Variants in SLC16A12 observed in about 807,000 individuals in gnomAD.
SLC16A12 encodes the protein monocarboxylate transporter 12.
A neutral mutation model predicts 42.4 loss-of-function variants in SLC16A12; 17 were observed. That is an observed-to-expected ratio of 0.40 (90% CI 0.27 to 0.60). The LOEUF is 0.60. Among genes scored for constraint, SLC16A12 ranks in the 20% least tolerant of loss-of-function variants. The probability of loss-of-function intolerance (pLI) is 0.42; values close to 1 mark genes in which losing one functional copy is unlikely to be tolerated. For synonymous variants in SLC16A12, 224 were observed against 229.4 expected, an observed-to-expected ratio of 0.98 and a Z score of 0.21; for missense variants, 544 against 623.0, an observed-to-expected ratio of 0.87 and a Z score of 1.35.
intron 2 of SLC16A12, among the ~76,000 whole-genome samples, chr10:89,482,569 C>T (rs920525809): frequency 6.6e-6 from 1 of 151,896 alleles, no homozygotes; most frequent in Non-Finnish European, 1.5e-5. Context: ...TTGCTTGAAC[C>T]AAGGAGTTTG....
chr10:89,477,386 G>A (rs988100093), intron 2 of SLC16A12, among the ~76,000 whole-genome samples: 1 of 151,846 alleles, frequency 6.6e-6, no homozygotes, highest in Non-Finnish European at 1.5e-5. Flanking sequence ...CCAACATGGA[G>A]GAACCCCATC....
chr10:89,450,649 C>G (rs993269925), intron 3 of SLC16A12, among the ~76,000 whole-genome samples: 1 of 152,052 alleles, frequency 6.6e-6, no homozygotes, highest in African/African-American at 2.4e-5. Flanking sequence ...GGAGAAATAC[C>G]TAATGTAAAT....
intron 2 of SLC16A12, among the ~76,000 whole-genome samples, chr10:89,555,578 T>A (rs1377217674): frequency 6.9e-6 from 1 of 145,148 alleles, no homozygotes; most frequent in Non-Finnish European, 1.5e-5. Context: ...TATATGTATA[T>A]GTATATATGT....
At chr10:89,435,920 G>T (rs146470543) in intron 7 of SLC16A12, 140 bp downstream of exon 7, 2 of 1,212,448 alleles carry the variant, frequency 1.6e-6, no homozygotes, top group Admixed American at 4.2e-5. Context: ...GATGGTTTTG[G>T]GGGCTCTTAT....
intron 2 of SLC16A12, among the ~76,000 whole-genome samples, chr10:89,521,951 T>C (rs1843364950): frequency 6.6e-6 from 1 of 152,206 alleles, no homozygotes; most frequent in Non-Finnish European, 1.5e-5. Flanking sequence ...CTTTCCATAT[T>C]ACTGCCCATA....
intron 1 of SLC16A12, among the ~76,000 whole-genome samples, chr10:89,535,146 C>T (rs890054516): frequency 3.3e-5 from 5 of 152,078 alleles, no homozygotes; most frequent in Non-Finnish European, 7.4e-5. Flanking sequence ...CTCTATTCCA[C>T]CGAGAAGTCT....
intron 2 of SLC16A12, among the ~76,000 whole-genome samples, chr10:89,528,738 T>G (rs1291404147): frequency 6.6e-6 from 1 of 152,256 alleles, no homozygotes; most frequent in Non-Finnish European, 1.5e-5. Context: ...CAACCCTGGC[T>G]GTACATGAGA....
chr10:89,505,048 A>AT (rs1197058259), intron 2 of SLC16A12, among the ~76,000 whole-genome samples: 1 of 152,188 alleles, frequency 6.6e-6, no homozygotes, highest in African/African-American at 2.4e-5. Flanking sequence ...AGTGTCAAGC[A>AT]TTTTTAATTA....
chr10:89,496,287 G>C (rs935738399), intron 2 of SLC16A12, among the ~76,000 whole-genome samples: 11 of 151,830 alleles, frequency 7.2e-5, no homozygotes, highest in Non-Finnish European at 1.3e-4. Context: ...AAAACAAGAA[G>C]AGGAGGCTAT....
intron 2 of SLC16A12, among the ~76,000 whole-genome samples, chr10:89,548,883 G>C (rs746045495): frequency 2.6e-5 from 4 of 152,186 alleles, no homozygotes; most frequent in Admixed American, 2.6e-4. Context: ...GCACAAGTGT[G>C]ATATGCAATT....
At chr10:89,540,913 CT>C (rs974805472) in intron 2 of SLC16A12, among the ~76,000 whole-genome samples, 135 of 142,150 alleles carry the variant, frequency 9.5e-4, no homozygotes, top group Middle Eastern at 3.6e-3. Context: ...AAGCAAATTT[CT>C]TTTTTTTTTT....
chr10:89,539,692 C>T (rs78373684), upstream of SLC16A12, among the ~76,000 whole-genome samples: 379 of 152,174 alleles, frequency 2.5e-3, no homozygotes, highest in African/African-American at 7.2e-3. Flanking sequence ...AGGCTTTTGC[C>T]TAAATAGAAT....
intron 3 of SLC16A12, among the ~76,000 whole-genome samples, chr10:89,447,949 G>A (rs1842030207): frequency 6.6e-6 from 1 of 152,186 alleles, no homozygotes; most frequent in African/African-American, 2.4e-5. Flanking sequence ...CAATCCCACA[G>A]AAATACAAAC....
intron 3 of SLC16A12, among the ~76,000 whole-genome samples, chr10:89,452,527 A>ACT (rs1167727282): frequency 3.3e-5 from 5 of 152,216 alleles, no homozygotes; most frequent in Non-Finnish European, 1.5e-5. Context: ...GAAGAAAGGA[A>ACT]GAAGCTTTCT....
upstream of SLC16A12, among the ~76,000 whole-genome samples, chr10:89,536,921 T>G (rs1843670809): frequency 6.6e-6 from 1 of 152,162 alleles, no homozygotes; most frequent in African/African-American, 2.4e-5. Context: ...CACTGCAACC[T>G]CCGCCTCCCT....
intron 2 of SLC16A12, among the ~76,000 whole-genome samples, chr10:89,495,636 G>A (rs1176841376): frequency 6.6e-6 from 1 of 152,136 alleles, no homozygotes; most frequent in Non-Finnish European, 1.5e-5. Context: ...AATGTGCTCG[G>A]AAATTTAAAT....
chr10:89,475,394 C>G (rs1435370586), intron 2 of SLC16A12, among the ~76,000 whole-genome samples: 1 of 152,208 alleles, frequency 6.6e-6, no homozygotes, highest in Non-Finnish European at 1.5e-5. Flanking sequence ...TAGGCTTGCA[C>G]AGTCTCTGGC....
chr10:89,449,813 G>T (rs1245138516), intron 3 of SLC16A12, among the ~76,000 whole-genome samples: 2 of 152,184 alleles, frequency 1.3e-5, no homozygotes, highest in East Asian at 3.8e-4. Flanking sequence ...CCATCAGAGT[G>T]AACAGGCAAC....
chr10:89,479,656 T>C (rs933796779), intron 2 of SLC16A12, among the ~76,000 whole-genome samples: 9 of 152,226 alleles, frequency 5.9e-5, no homozygotes, highest in African/African-American at 2.2e-4. Context: ...CCCCACGGAG[T>C]TGTTGAGAAA....
Sources: allele counts gnomAD v4.1 joint callset (sites outside exome capture counted in the v4.1 genomes callset), GRCh38; gene constraint gnomAD v4.1.1; transcripts MANE v1.5; gene names NCBI Gene and HGNC (gene_info 2026-07-23, HGNC 2026-07-21).